Variants in OXR1 observed in about 807,000 individuals in gnomAD.
OXR1 encodes the protein oxidation resistance protein 1.
Under a neutral mutation model 104.6 loss-of-function variants are expected in OXR1, and 41 were observed. The ratio of observed to expected loss-of-function variants is 0.39; its 90% CI spans 0.31 to 0.51. The LOEUF (loss-of-function observed/expected upper bound fraction) is 0.51. OXR1 is among the 20% of genes least tolerant of loss of function. The pLI is 0.77. For synonymous variants in OXR1, 348 were observed against 348.4 expected (o/e 1.00, Z 0.01); for missense variants, 955 against 1,031.9 (o/e 0.93, Z 1.02).
At chr8:106,723,411 T>C (rs542623971) in intron 11 of OXR1, among the ~76,000 whole-genome samples, 1 of 149,652 alleles carries the variant, frequency 6.7e-6, no homozygotes, top group African/African-American at 2.5e-5. Context: ...GGCAGGAGAA[T>C]GGCATGAACC....
intron 3 of OXR1, among the ~76,000 whole-genome samples, chr8:106,646,900 C>T (rs1824131510): frequency 6.6e-6 from 1 of 152,184 alleles, no homozygotes; most frequent in East Asian, 1.9e-4. Flanking sequence ...CTTTAAGCAC[C>T]ATTGGTAATA....
At chr8:106,683,785 TATTAC>T (rs1193757763) in intron 5 of OXR1, among the ~76,000 whole-genome samples, 1 of 152,216 alleles carries the variant, frequency 6.6e-6, no homozygotes, top group Non-Finnish European at 1.5e-5. Context: ...GCGTGCATGG[TATTAC>T]ATTGTATTGA....
At chr8:106,427,174 T>A (rs903597901) in intron 2 of OXR1, among the ~76,000 whole-genome samples, 2 of 152,034 alleles carry the variant, frequency 1.3e-5, no homozygotes, top group African/African-American at 4.8e-5. Context: ...AATTTATTTA[T>A]TTATTTATTT....
chr8:106,595,189 C>T (rs1463087676), intron 3 of OXR1, among the ~76,000 whole-genome samples: 1 of 152,170 alleles, frequency 6.6e-6, no homozygotes, highest in African/African-American at 2.4e-5. Flanking sequence ...ACAGAACTAT[C>T]ATTTTGCTTT....
chr8:106,533,869 G>A (rs1022578531), intron 3 of OXR1, among the ~76,000 whole-genome samples: 2 of 151,754 alleles, frequency 1.3e-5, no homozygotes, highest in Non-Finnish European at 2.9e-5. Context: ...GTGCCACCAC[G>A]CCTGACTAAT....
rs1299326611 is a variant in OXR1, at chr8:106,684,124, AT to A, written c.412-119del. 5.2e-6 allele frequency: 3 copies of A among 581,506 alleles called. No individual in the cohort carries two copies. In the African/African-American group the frequency reaches 5.6e-5, roughly 11 times the overall value. The allele number at this position is 581,506 out of a possible 1,614,324, so 36.0% of individuals were successfully genotyped here. ...TTAAAAATGTTTTTATATTCTTATA[AT>A]TTGAAAATTTTTATGTTTTTCTGTT... On this transcript the variant is annotated intron_variant, in intron 5 of 16. Coordinates refer to ENST00000517566, the MANE Select transcript of OXR1 (RefSeq NM_001198533.2).
At chr8:106,575,243 A>G (rs1367759050) in intron 3 of OXR1, among the ~76,000 whole-genome samples, 1 of 152,192 alleles carries the variant, frequency 6.6e-6, no homozygotes, top group Middle Eastern at 3.2e-3. Flanking sequence ...TTATTAATAT[A>G]GAATCTTAAA....
chr8:106,510,507 C>G (rs148776428), intron 2 of OXR1, among the ~76,000 whole-genome samples: 1 of 152,068 alleles, frequency 6.6e-6, no homozygotes, highest in Non-Finnish European at 1.5e-5. Context: ...GAAATGCTAA[C>G]GTTTTATGTT....
chr8:106,566,848 A>G (rs1471734515), intron 3 of OXR1, among the ~76,000 whole-genome samples: 1 of 152,214 alleles, frequency 6.6e-6, no homozygotes, highest in Non-Finnish European at 1.5e-5. Context: ...CATCATTCTC[A>G]GCAAACTAAC....
chr8:106,622,453 GCACACA>G (rs34839524), intron 3 of OXR1, among the ~76,000 whole-genome samples: 1,474 of 136,376 alleles, frequency 0.011, 27 homozygotes, highest in African/African-American at 0.036. Flanking sequence ...ATCACCCCCA[GCACACA>G]CACACACACA....
intron 1 of OXR1, among the ~76,000 whole-genome samples, chr8:106,352,656 C>T (rs930380062): frequency 2.0e-5 from 3 of 152,110 alleles, no homozygotes; most frequent in Non-Finnish European, 4.4e-5. Context: ...AATGAGGCAT[C>T]TCTATATGTG....
At chr8:106,530,865 C>T (rs1814044878) in intron 3 of OXR1, among the ~76,000 whole-genome samples, 1 of 152,120 alleles carries the variant, frequency 6.6e-6, no homozygotes, top group Middle Eastern at 3.4e-3. Context: ...ATAACTGAAA[C>T]ATGATTTCAG....
intron 11 of OXR1, chr8:106,729,866 T>C (rs1833714087): frequency 6.6e-6 from 1 of 152,102 alleles, no homozygotes; most frequent in African/African-American, 2.4e-5. Context: ...GACTCAGTAG[T>C]TGAAAAGCAT....
intron 1 of OXR1, among the ~76,000 whole-genome samples, chr8:106,358,105 TC>T (rs1372296669): frequency 1.3e-5 from 2 of 152,202 alleles, no homozygotes; most frequent in Non-Finnish European, 2.9e-5. Flanking sequence ...CTTCTTTTCT[TC>T]GTCCTCCTTT....
At position 106,499,078 on chromosome 8, in the gene OXR1, C is replaced by T. The variant is rs527529302; in HGVS notation, c.24-19865C>T. On this transcript the variant is annotated intron_variant, in intron 2 of 16. Coordinates refer to ENST00000517566, the MANE Select transcript of OXR1 (RefSeq NM_001198533.2). ...TCGGGAGGCTGAGGCAGGAGAATGG[C>T]GTGAACCCGGGAAGCGGAGCTTGCA... Among the ~76,000 whole-genome samples the T allele has an allele frequency of 9.0e-3, 357 of 39,782 alleles. 120 individuals are homozygous for T. Among genetic ancestry groups the T allele is most frequent in the Non-Finnish European group, 4.1e-3 (73 of 17,792 alleles). The allele number at this position is 39,782 out of a possible 152,430, so 26.1% of individuals were successfully genotyped here. A position where few individuals can be genotyped will look rare whatever the true frequency, so the allele number is the denominator to read the frequency against.
chr8:106,376,010 A>G lies in OXR1; in HGVS notation c.23+16374A>G, dbSNP rs1186869159. The stretch of plus-strand genomic sequence containing the variant: ...TACTACAGGCACATGCCACCAACCC[A>G]GCTAATTTTAAAAATATTTTCAAAG... On this transcript the variant is annotated intron_variant, in intron 2 of 16. Coordinates refer to ENST00000517566, the MANE Select transcript of OXR1 (RefSeq NM_001198533.2). 3.3e-5 allele frequency among the ~76,000 whole-genome samples: 5 copies of G among 152,052 alleles called. No homozygotes were observed. In the East Asian group the frequency reaches 9.7e-4, roughly 29 times the overall value.
chr8:106,740,574 A>G (rs1834836066), intron 14 of OXR1, 79 bp downstream of exon 14: 11 of 1,166,754 alleles, frequency 9.4e-6, no homozygotes, highest in Admixed American at 2.2e-5. Flanking sequence ...TTTGATAAAC[A>G]TTACTTTATT....
At chr8:106,315,228 A>G (rs1813879932) in intron 1 of OXR1, among the ~76,000 whole-genome samples, 1 of 152,080 alleles carries the variant, frequency 6.6e-6, no homozygotes, top group Admixed American at 6.6e-5. Context: ...CCTTCAATTT[A>G]AAATGGTAAG....
At chr8:106,282,051 T>C (rs1307073215) in intron 1 of OXR1, among the ~76,000 whole-genome samples, 1 of 152,180 alleles carries the variant, frequency 6.6e-6, no homozygotes, top group African/African-American at 2.4e-5. Flanking sequence ...CCCAAACTTA[T>C]GTCAAGTTAA....
Sources: gnomAD v4.1 joint callset for allele counts (sites outside exome capture counted in the v4.1 genomes callset) on GRCh38, gnomAD v4.1.1 for gene constraint, MANE v1.5 for transcripts, NCBI Gene and HGNC (gene_info 2026-07-23, HGNC 2026-07-21) for gene names.